The following KDM6A variants were observed in gnomAD, a reference collection of about 807,000 sequenced individuals.
KDM6A encodes lysine-specific demethylase 6A.
In KDM6A, 11 loss-of-function variants were observed where a neutral mutation model predicts 117.6. The ratio of observed to expected loss-of-function variants is 0.09; its 90% confidence interval spans 0.06 to 0.15. The LOEUF (loss-of-function observed/expected upper bound fraction) is 0.15, where lower values mean the gene tolerates loss of function less well. Among genes scored for constraint, KDM6A ranks in the 10% least tolerant of loss-of-function variants. The pLI is 1.00. For missense variants in KDM6A, 799 were observed against 1,077.3 expected (o/e 0.74, Z 3.62); for synonymous variants, 384 against 396.1 (o/e 0.97, Z 0.36).
At chrX:45,085,194 A>G (rs1362830917) in intron 24 of KDM6A, among the ~76,000 whole-genome samples, 1 of 111,874 alleles carries the variant, frequency 8.9e-6, no homozygotes, top group Non-Finnish European at 1.9e-5. Context: ...GTACCTTGTT[A>G]TGGGGTAAAC....
chrX:44,883,774 T>C (rs775351451), intron 2 of KDM6A, among the ~76,000 whole-genome samples: 13 of 111,350 alleles, frequency 1.2e-4, no homozygotes, highest in African/African-American at 4.2e-4. Flanking sequence ...ACCAGACATG[T>C]AGATGTAGCA....
intron 2 of KDM6A, among the ~76,000 whole-genome samples, chrX:44,927,120 G>A (rs1442232373): frequency 9.0e-6 from 1 of 110,854 alleles, no homozygotes; most frequent in African/African-American, 3.3e-5. Flanking sequence ...ATATTTACTG[G>A]CCAGTAATGT....
chrX:44,978,644 T>C (rs908646525), intron 4 of KDM6A, among the ~76,000 whole-genome samples: 3 of 112,219 alleles, frequency 2.7e-5, no homozygotes, highest in Admixed American at 9.5e-5. Context: ...TTTTGAGATA[T>C]GATTTACATT....
chrX:45,046,468 G>A (rs2043542170), intron 8 of KDM6A, among the ~76,000 whole-genome samples: 1 of 111,651 alleles, frequency 9.0e-6, no homozygotes, highest in African/African-American at 3.3e-5. Context: ...AGAGAGAGAA[G>A]TCAGTTACAG....
At chrX:45,096,022 C>T (rs2046089463) in intron 27 of KDM6A, among the ~76,000 whole-genome samples, 1 of 111,550 alleles carries the variant, frequency 9.0e-6, no homozygotes, top group Non-Finnish European at 1.9e-5. Context: ...GCAGTTTTTA[C>T]ATCTCCCCCT....
chrX:44,902,118 T>C (rs2034388657), intron 2 of KDM6A, among the ~76,000 whole-genome samples: 1 of 110,704 alleles, frequency 9.0e-6, no homozygotes, highest in Non-Finnish European at 1.9e-5. Context: ...TCCCAGCTAC[T>C]ACTTGGGAGG....
intron 5 of KDM6A, among the ~76,000 whole-genome samples, chrX:45,011,760 G>GTTTATTTA (rs1234906799): frequency 1.8e-5 from 2 of 110,482 alleles, no homozygotes; most frequent in South Asian, 7.6e-4. Flanking sequence ...TCTTTAGTTT[G>GTTTATTTA]TTTATTTATT....
In KDM6A at chrX:45,111,675, TACAG is replaced by T; in HGVS notation, c.*267_*270del. The T allele has an allele frequency of 6.2e-6, 2 of 324,464 alleles. No individual in the cohort carries two copies. Among genetic ancestry groups the T allele is most frequent in the Non-Finnish European group, 1.1e-5 (2 of 184,351 alleles). The allele number at this position is 324,464 out of a possible 1,213,427, so 26.7% of individuals were successfully genotyped here. ...ATATCTGACAAAACTGGCAACATCT[TACAG>T]ACTACTGACTTGAAGACAACCTCTT... On this transcript the variant is annotated 3_prime_UTR_variant, in exon 30 of 30. Transcript: ENST00000611820.
At chrX:45,042,061 T>C (rs9633113) in intron 8 of KDM6A, among the ~76,000 whole-genome samples, 4,440 of 108,250 alleles carry the variant, frequency 0.041, 301 homozygotes, top group African/African-American at 0.15. Context: ...ACCAGCCCGG[T>C]CAACACAGCA....
At chrX:44,982,225 G>A (rs1253745045) in intron 4 of KDM6A, among the ~76,000 whole-genome samples, 2 of 111,775 alleles carry the variant, frequency 1.8e-5, no homozygotes, top group East Asian at 5.6e-4. Context: ...GTTTCAGTTT[G>A]AAAAACTAGT....
At chrX:45,013,551 A>T (rs1003853523) in intron 5 of KDM6A, among the ~76,000 whole-genome samples, 7 of 111,776 alleles carry the variant, frequency 6.3e-5, no homozygotes, top group South Asian at 3.7e-4. Flanking sequence ...TCTACATATG[A>T]TTTCTATATT....
At chrX:45,036,798 C>T (rs942375393) in intron 7 of KDM6A, among the ~76,000 whole-genome samples, 18 of 112,541 alleles carry the variant, frequency 1.6e-4, no homozygotes, top group Admixed American at 4.7e-4. Context: ...ATGGATGTCT[C>T]ATAAATATCA....
rs2147994438 is a variant in KDM6A at position 45,063,605 on chromosome X, C to A, written c.1867C>A (p.Pro623Thr). ...ACPGQPLANGPFSAGHVPCST... is the reference protein window; with the variant it reads ...ACPGQPLANGTFSAGHVPCST... ...CCCTGGGCAGCCTTTGGCCAATGGA[C>A]CCTTTTCTGCAGGCCATGTTCCCTG... The change falls in exon 17 of 30, where the codon CCC becomes ACC. Residue 623 changes from proline (P) to threonine (T), a missense_variant. Coordinates refer to ENST00000611820, the MANE Select transcript of KDM6A (RefSeq NM_001291415.2). 1.7e-6 allele frequency: 2 copies of A among 1,211,099 alleles called. No homozygotes were observed. The highest frequency in any genetic ancestry group is 2.2e-6 in the Non-Finnish European group (2 of 895,022).
At chrX:44,985,444 A>G (rs978893422) in intron 4 of KDM6A, among the ~76,000 whole-genome samples, 2 of 111,452 alleles carry the variant, frequency 1.8e-5, no homozygotes, top group African/African-American at 3.3e-5. Context: ...TTCCAACACT[A>G]TGTTGAATAG....
At chrX:45,071,263 G>A (rs1385731180) in intron 18 of KDM6A, among the ~76,000 whole-genome samples, 1 of 111,973 alleles carries the variant, frequency 8.9e-6, no homozygotes, top group Non-Finnish European at 1.9e-5. Flanking sequence ...GTTGTAGATT[G>A]TCATGATATA....
At position 44,873,486 on chromosome X, in the gene KDM6A, G is replaced by T. The variant is rs1437873802; in HGVS notation, c.-66G>T. On this transcript the variant is annotated 5_prime_UTR_variant, in exon 1 of 30. Coordinates refer to ENST00000611820, the MANE Select transcript of KDM6A (RefSeq NM_001291415.2). The stretch of plus-strand genomic sequence containing the variant: ...TGCTGGTCCCGCGCGCAGATTGGGG[G>T]CGTCACTGCGGGCCCCGGTCCGAGG... The T allele has an allele frequency of 8.4e-7, 1 of 1,188,221 alleles. No individual in the cohort carries two copies. The highest frequency in any genetic ancestry group is 3.0e-5 in the East Asian group (1 of 33,478).
At chrX:44,989,093 A>G (rs1383923090) in intron 4 of KDM6A, among the ~76,000 whole-genome samples, 1 of 106,647 alleles carries the variant, frequency 9.4e-6, no homozygotes, top group Non-Finnish European at 1.9e-5. Flanking sequence ...TACCTACTCA[A>G]GCCTCGGCAA....
intron 2 of KDM6A, among the ~76,000 whole-genome samples, chrX:44,901,016 C>A (rs1285067717): frequency 1.8e-5 from 2 of 112,267 alleles, no homozygotes; most frequent in Non-Finnish European, 3.8e-5. Flanking sequence ...CCAATTTGTT[C>A]CTGTTACTGA....
chrX:44,880,840 A>G (rs2032219292), intron 2 of KDM6A, among the ~76,000 whole-genome samples: 1 of 111,272 alleles, frequency 9.0e-6, no homozygotes, highest in Non-Finnish European at 1.9e-5. Context: ...AGAATGTTAT[A>G]TTTTGGTTGA....
Sources: gnomAD v4.1 joint callset for allele counts (sites outside exome capture counted in the v4.1 genomes callset) on GRCh38, gnomAD v4.1.1 for gene constraint, MANE v1.5 for transcripts, NCBI Gene and HGNC (gene_info 2026-07-23, HGNC 2026-07-21) for gene names.